ACACB: variants seen among roughly 807,000 people sequenced by gnomAD.
ACACB encodes acetyl-CoA carboxylase beta, also known as acetyl-CoA carboxylase 2.
A neutral mutation model predicts 278.8 loss-of-function variants in ACACB; 209 were observed. The ratio of observed to expected loss-of-function variants is 0.75; its 90% CI spans 0.67 to 0.84. The LOEUF (loss-of-function observed/expected upper bound fraction) is 0.84, where lower values mean the gene tolerates loss of function less well. Among genes scored for constraint, ACACB ranks in the 40% least tolerant of loss-of-function variants. ACACB has a pLI of 0.00. For synonymous variants in ACACB, 1,174 were observed against 1,285.6 expected (o/e 0.91, Z 1.86); for missense variants, 2,850 against 3,269.0 (o/e 0.87, Z 3.13).
chr12:109,241,172 A>C lies in ACACB; in HGVS notation c.4913A>C (p.Gln1638Pro). ...LQAEVKINIR[Q>P]TTTGSAVPIR... ...GCTGAGGTCAAGATCAACATCCGCC[A>C]GACCACCACCGGCAGTGCCGTTCCC... Residue 1638 changes from glutamine (Q) to proline (P), a missense_variant, in exon 36 of 53, where the codon CAG becomes CCG. Coordinates refer to ENST00000338432, the MANE Select transcript of ACACB (RefSeq NM_001093.4). 1 of 1,614,202 alleles carries C rather than the reference A, an allele frequency of 6.2e-7. No individual in the cohort carries two copies. Among genetic ancestry groups the C allele is most frequent in the Non-Finnish European group, 8.5e-7 (1 of 1,180,044 alleles).
rs558755125 is a variant in ACACB, at chr12:109,176,775, C to T, written c.1437+512C>T. Among the ~76,000 whole-genome samples, 4 of 152,270 alleles carry T rather than the reference C, an allele frequency of 2.6e-5. No homozygotes were observed. The East Asian group carries it at 5.8e-4, about 22-fold the overall frequency. The stretch of plus-strand genomic sequence containing the variant: ...GGGATTACAGGCGTGTGCCACCACA[C>T]GCAGCTCATTTTTGTCTTTTTAGTA... On this transcript the variant is annotated intron_variant, in intron 9 of 52. Transcript: ENST00000338432.
chr12:109,128,489 C>A (rs1201375762), intron 1 of ACACB, among the ~76,000 whole-genome samples: 1 of 152,064 alleles, frequency 6.6e-6, no homozygotes, highest in East Asian at 1.9e-4. Flanking sequence ...AGGCACCCAC[C>A]ACCACGCCCA....
In ACACB at chr12:109,206,698, G is replaced by T; in HGVS notation, c.2914-12G>T. 6.2e-7 allele frequency: 1 copy of T among 1,613,426 alleles called. No homozygotes were observed. The stretch of plus-strand genomic sequence containing the variant: ...GTTTTCCTGACCTGTCGTTCTTGTG[G>T]TGTCTCATCAGGCTGAACCGTTCAC... On this transcript the variant is annotated splice_polypyrimidine_tract_variant and intron_variant, in intron 19 of 52. Coordinates refer to ENST00000338432, the MANE Select transcript of ACACB (RefSeq NM_001093.4).
intron 16 of ACACB, among the ~76,000 whole-genome samples, chr12:109,196,242 A>G (rs762737232): frequency 6.6e-6 from 1 of 152,176 alleles, no homozygotes; most frequent in Non-Finnish European, 1.5e-5. Context: ...GCTCCTGGGC[A>G]GAGCTGGGTC....
In ACACB at chr12:109,265,221, C is replaced by G. The variant is rs200707789; in HGVS notation, c.7054C>G (p.His2352Asp). ...CCTGCAGGCCAGCGGGGAGCTGAGT[C>G]ACGTGCATATCCAGTCCATGCTGCG... The part of the protein sequence containing the change: ...EILQASGELS[H>D]VHIQSMLRRW... The change falls in exon 51 of 53, where the codon CAC becomes GAC. Residue 2352 changes from histidine to aspartate, a missense_variant. Physicochemically the swap from His to Asp is moderately conservative, Grantham distance 81. Transcript: ENST00000338432. The G allele has an allele frequency of 1.1e-5, 18 of 1,613,698 alleles. No individual in the cohort carries two copies. In the East Asian group the frequency reaches 3.8e-4, roughly 34 times the overall value.
chr12:109,171,537 A>G (rs528372663), intron 4 of ACACB, among the ~76,000 whole-genome samples: 1 of 151,122 alleles, frequency 6.6e-6, no homozygotes, highest in Non-Finnish European at 1.5e-5. Flanking sequence ...TTTAGTAGAG[A>G]CAGAATTTCA....
intron 2 of ACACB, among the ~76,000 whole-genome samples, chr12:109,143,462 C>CAAAAA (rs10696128): frequency 7.7e-5 from 8 of 104,018 alleles, no homozygotes; most frequent in African/African-American, 1.2e-4. Flanking sequence ...GACCCTGTCT[C>CAAAAA]AAAAAAAAAA....
At chr12:109,121,672 C>T (rs902527617) in intron 1 of ACACB, among the ~76,000 whole-genome samples, 2 of 152,178 alleles carry the variant, frequency 1.3e-5, no homozygotes, top group African/African-American at 4.8e-5. Flanking sequence ...ACTCCCAGCC[C>T]CAAGGACTCA....
At position 109,254,475 on chromosome 12, in the gene ACACB, A is replaced by G. The variant is rs2047175474; in HGVS notation, c.6166+141A>G. On this transcript the variant is annotated intron_variant, in intron 44 of 52. Transcript: ENST00000338432. Reference sequence around the variant, plus strand: ...TCCCAGAGAGGTATACCTGAAATCAAATGCAGGGAAAGTAGAGAAATGGAG... The same window carrying G: ...TCCCAGAGAGGTATACCTGAAATCAGATGCAGGGAAAGTAGAGAAATGGAG... The G allele has an allele frequency of 4.6e-6, 4 of 870,002 alleles. No individual in the cohort carries two copies. The Admixed American group carries it at 1.1e-4, about 24-fold the overall frequency. The allele number at this position is 870,002 out of a possible 1,614,324, so 53.9% of individuals were successfully genotyped here.
intron 1 of ACACB, among the ~76,000 whole-genome samples, chr12:109,136,153 T>G (rs544124192): frequency 6.6e-6 from 1 of 152,208 alleles, no homozygotes; most frequent in Non-Finnish European, 1.5e-5. Context: ...TTGATATCCA[T>G]GTCAAAAATA....
At chr12:109,137,535 C>A (rs556936368) in intron 1 of ACACB, among the ~76,000 whole-genome samples, 1 of 152,008 alleles carries the variant, frequency 6.6e-6, no homozygotes, top group African/African-American at 2.4e-5. Context: ...TGGGGGGCAC[C>A]TGTAATCCCA....
In ACACB at chr12:109,206,971, T is replaced by C. The variant is rs532801454; in HGVS notation, c.3060+115T>C. 1.5e-4 allele frequency: 183 copies of C among 1,237,338 alleles called. 1 individual carries two copies. In the African/African-American group the frequency reaches 2.6e-3, roughly 18 times the overall value. 76.6% of individuals were successfully genotyped at this position (1,237,338 alleles called of 1,614,324 possible). ...AATGAGAAAATGGTCGGTCCTCTGT[T>C]GTTTTTATTTTATTTATTTTATTTT... is the stretch of plus-strand genomic sequence containing the variant. On this transcript the variant is annotated intron_variant, in intron 20 of 52. Coordinates refer to ENST00000338432, the MANE Select transcript of ACACB (RefSeq NM_001093.4).
At chr12:109,260,776 T>C in intron 48 of ACACB, 119 bp downstream of exon 48, 2 of 1,042,792 alleles carry the variant, frequency 1.9e-6, no homozygotes, top group East Asian at 5.7e-5. Flanking sequence ...GGTGGAGAAA[T>C]GTTGTCTCTT....
chr12:109,210,392 T>C lies in ACACB; in HGVS notation c.3249+1039T>C, dbSNP rs111205033. Among the ~76,000 whole-genome samples, 201 of 142,846 alleles carry C rather than the reference T, an allele frequency of 1.4e-3. 9 individuals are homozygous for C. Among genetic ancestry groups the C allele is most frequent in the African/African-American group, 5.2e-3 (192 of 37,046 alleles). 93.7% of individuals were successfully genotyped at this position (142,846 alleles called of 152,430 possible). A position where few individuals can be genotyped will look rare whatever the true frequency, so the allele number is the denominator to read the frequency against. On this transcript the variant is annotated intron_variant, in intron 21 of 52. Transcript: ENST00000338432. ...ATATACACGCACACACATGTGTATATATGTATATACACGCACACACATGTG... is the reference window on the plus strand; with the variant it reads ...ATATACACGCACACACATGTGTATACATGTATATACACGCACACACATGTG...
chr12:109,218,263 G>A (rs141434638), intron 24 of ACACB, among the ~76,000 whole-genome samples: 7,484 of 150,242 alleles, frequency 0.05, 237 homozygotes, highest in Middle Eastern at 0.078. Flanking sequence ...GTGCAGTGGT[G>A]CCATCATGGC....
chr12:109,171,013 A>ATTTTTTTTTTTTTTTT (rs59371391), intron 4 of ACACB, among the ~76,000 whole-genome samples: 1 of 106,526 alleles, frequency 9.4e-6, no homozygotes, highest in Non-Finnish European at 1.8e-5. Flanking sequence ...CTTTTTTTGG[A>ATTTTTTTTTTTTTTTT]TTTTTTTTTT....
At chr12:109,266,138 G>T in intron 52 of ACACB, 98 bp from the exon 53 acceptor site, 1 of 1,449,630 alleles carries the variant, frequency 6.9e-7, no homozygotes, top group Non-Finnish European at 9.3e-7. Flanking sequence ...GGGAGCTCTG[G>T]GTTCTGGGGT....
intron 42 of ACACB, 114 bp from the exon 43 acceptor site, chr12:109,252,901 C>A (rs2047133274): frequency 2.8e-6 from 3 of 1,067,550 alleles, no homozygotes; most frequent in Non-Finnish European, 3.8e-6. Flanking sequence ...TTTGTGAAAT[C>A]TCCTGGGTGA....
intron 40 of ACACB, 55 bp downstream of exon 40, chr12:109,247,758 C>A (rs2046988149): frequency 1.4e-6 from 2 of 1,400,628 alleles, no homozygotes; most frequent in South Asian, 1.2e-5. Flanking sequence ...TTTCAGCTGT[C>A]TTCTTTCCTC....
Sources: allele counts gnomAD v4.1 joint callset (sites outside exome capture counted in the v4.1 genomes callset), GRCh38; gene constraint gnomAD v4.1.1; transcripts MANE v1.5; gene names NCBI Gene and HGNC (gene_info 2026-07-23, HGNC 2026-07-21).